IRAK1BP1: variants seen among roughly 807,000 people sequenced by gnomAD.
IRAK1BP1 encodes the protein interleukin-1 receptor-associated kinase 1-binding protein 1.
In IRAK1BP1, 24 loss-of-function variants were observed where a neutral mutation model predicts 28.0. The observed-to-expected ratio is 0.86, with a 90% CI of 0.62 to 1.20. IRAK1BP1 has a LOEUF of 1.20. Among genes scored for constraint, IRAK1BP1 ranks in the 50% most tolerant of loss-of-function variants. The pLI is 0.00. For synonymous variants in IRAK1BP1, 131 were observed against 116.3 expected, an observed-to-expected ratio of 1.13 and a Z score of -0.81; for missense variants, 336 against 316.7, an observed-to-expected ratio of 1.06 and a Z score of -0.46.
intron 1 of IRAK1BP1, among the ~76,000 whole-genome samples, chr6:78,868,640 A>G (rs746784104): frequency 7.1e-4 from 108 of 152,324 alleles, no homozygotes; most frequent in Non-Finnish European, 1.2e-3. Flanking sequence ...AATCCACACA[A>G]TAGCACTGTT....
the IRAK1BP1 span, chr6:78,957,195 T>A: frequency 1.3e-5 from 2 of 152,006 alleles, no homozygotes; most frequent in Admixed American, 1.3e-4. Context: ...TCAAATGTAT[T>A]AACAATTTTC....
intron 1 of IRAK1BP1, among the ~76,000 whole-genome samples, chr6:78,883,621 CAT>C (rs1487423316): frequency 6.6e-6 from 1 of 151,872 alleles, no homozygotes; most frequent in Non-Finnish European, 1.5e-5. Flanking sequence ...GTTTACATGT[CAT>C]AAAATATTAA....
At chr6:78,909,701 A>G (rs1490784637) in intron 4 of IRAK1BP1, among the ~76,000 whole-genome samples, 6 of 152,220 alleles carry the variant, frequency 3.9e-5, no homozygotes, top group African/African-American at 7.2e-5. Context: ...AAGGGAACCT[A>G]TGAATTACTT....
chr6:78,938,736 T>C (rs1357362290), intron 4 of IRAK1BP1: 2 of 151,714 alleles, frequency 1.3e-5, no homozygotes, highest in Non-Finnish European at 3.0e-5. Flanking sequence ...TTTGAAATTA[T>C]TTTTCAACTG....
At chr6:78,971,732 G>A in the IRAK1BP1 span, among the ~76,000 whole-genome samples, 4 of 152,196 alleles carry the variant, frequency 2.6e-5, no homozygotes, top group Non-Finnish European at 4.4e-5. Context: ...CAGGGAGTCA[G>A]GGAGTTCCCT....
chr6:78,919,483 A>C (rs1221637843), intron 4 of IRAK1BP1, among the ~76,000 whole-genome samples: 2 of 152,188 alleles, frequency 1.3e-5, no homozygotes, highest in African/African-American at 2.4e-5. Context: ...AAATCCAAAC[A>C]AGCACAATTA....
At chr6:78,896,830 A>C (rs1020110031) in intron 2 of IRAK1BP1, among the ~76,000 whole-genome samples, 10 of 151,988 alleles carry the variant, frequency 6.6e-5, no homozygotes, top group Non-Finnish European at 1.2e-4. Flanking sequence ...GGCTCAAAAA[A>C]AAAAAAAAAT....
intron 4 of IRAK1BP1, chr6:78,935,586 ATTGTT>A: frequency 2.1e-6 from 2 of 973,194 alleles, no homozygotes; most frequent in Non-Finnish European, 2.4e-6. Context: ...AATCAATAAA[ATTGTT>A]TTATTAAATG....
At chr6:78,908,695 G>T (rs1582034741) in intron 4 of IRAK1BP1, among the ~76,000 whole-genome samples, 2 of 152,214 alleles carry the variant, frequency 1.3e-5, no homozygotes, top group East Asian at 3.9e-4. Flanking sequence ...GCTAGCGTGT[G>T]CACATCTACC....
chr6:78,918,970 A>G (rs1772646802), intron 4 of IRAK1BP1, among the ~76,000 whole-genome samples: 1 of 152,330 alleles, frequency 6.6e-6, no homozygotes, highest in South Asian at 2.1e-4. Context: ...AAGTGTCAAT[A>G]AATTCAGAAA....
downstream of IRAK1BP1, among the ~76,000 whole-genome samples, chr6:78,904,419 T>C (rs935876540): frequency 2.0e-5 from 3 of 152,212 alleles, no homozygotes; most frequent in African/African-American, 7.2e-5. Flanking sequence ...CCAGAGAAAG[T>C]TGCTTTTGAA....
At chr6:78,944,064 G>C (rs1052211181) in intron 4 of IRAK1BP1, among the ~76,000 whole-genome samples, 3 of 145,080 alleles carry the variant, frequency 2.1e-5, no homozygotes, top group African/African-American at 7.7e-5. Flanking sequence ...TCCTAAAGAA[G>C]ACGATATTTT....
chr6:78,885,713 G>A (rs897428829), intron 2 of IRAK1BP1, among the ~76,000 whole-genome samples: 30 of 152,102 alleles, frequency 2.0e-4, no homozygotes, highest in African/African-American at 6.3e-4. Context: ...CCTAATGTGC[G>A]GGTGACACTA....
exon 5 of IRAK1BP1, chr6:78,945,950 T>C: frequency 7.2e-7 from 1 of 1,383,072 alleles, no homozygotes; most frequent in South Asian, 1.2e-5. Context: ...AAGTAAAAGC[T>C]TAAATTAAGA....
At position 78,901,534 on chromosome 6, in the gene IRAK1BP1, A is replaced by T. The variant is rs1772097408; in HGVS notation, c.*3200A>T. The stretch of plus-strand genomic sequence containing the variant: ...TTCCTTCTTTTGAACTCTGTTTAAA[A>T]AAAAAAAAATCTTTCCAGAAAGTAG... On this transcript the variant is annotated 3_prime_UTR_variant, in exon 4 of 4. Coordinates refer to ENST00000369940, the MANE Select transcript of IRAK1BP1 (RefSeq NM_001010844.4). 1 of 152,072 alleles carries T rather than the reference A, an allele frequency of 6.6e-6. No individual in the cohort carries two copies. The highest frequency in any genetic ancestry group is 2.4e-5 in the African/African-American group (1 of 41,438). The allele number at this position is 152,072 out of a possible 1,614,324, so 9.4% of individuals were successfully genotyped here.
Position 78,945,149 on chromosome 6 carries a change from T to C in IRAK1BP1, c.*68-259T>C, listed in dbSNP as rs1773732068. On this transcript the variant is annotated intron_variant and NMD_transcript_variant, in intron 4 of 4. Transcript: ENST00000606868. ...ACCAGGATGGAGTGCAGTGGCACAA[T>C]AATAGCTCATTGCAGTAAATTTATC... 5 of 613,060 alleles carry C rather than the reference T, an allele frequency of 8.2e-6. No homozygotes were observed. The East Asian group carries it at 1.1e-4, about 14-fold the overall frequency. The allele number at this position is 613,060 out of a possible 1,614,324, so 38.0% of individuals were successfully genotyped here.
At chr6:78,925,760 T>C (rs1180072276) in intron 4 of IRAK1BP1, among the ~76,000 whole-genome samples, 1 of 152,168 alleles carries the variant, frequency 6.6e-6, no homozygotes, top group Non-Finnish European at 1.5e-5. Context: ...CACAGCAGTA[T>C]TCATAATAGG....
intron 4 of IRAK1BP1, chr6:78,937,969 T>G (rs2127674872): frequency 6.6e-6 from 1 of 151,816 alleles, no homozygotes. Context: ...GAGATGTTTT[T>G]ATTGCTTACC....
At chr6:78,882,392 TA>T (rs1771261276) in intron 1 of IRAK1BP1, among the ~76,000 whole-genome samples, 1 of 152,094 alleles carries the variant, frequency 6.6e-6, no homozygotes, top group Admixed American at 6.6e-5. Context: ...TTCCAATTAA[TA>T]AAGTATGGAA....
Sources: allele counts gnomAD v4.1 joint callset (sites outside exome capture counted in the v4.1 genomes callset), GRCh38; gene constraint gnomAD v4.1.1; transcripts MANE v1.5; gene names NCBI Gene and HGNC (gene_info 2026-07-23, HGNC 2026-07-21).